The following SIPA1L1 variants were observed in gnomAD, a reference collection of about 807,000 sequenced individuals.
SIPA1L1 encodes signal induced proliferation associated 1 like 1.
SIPA1L1 carries 26 observed loss-of-function variants against 162.7 expected under a neutral mutation model. That is an observed-to-expected ratio of 0.16 (90% confidence interval 0.12 to 0.22). The LOEUF (loss-of-function observed/expected upper bound fraction) is 0.22. SIPA1L1 is among the 10% of genes least tolerant of loss of function. The pLI is 1.00. For missense variants in SIPA1L1, 1,874 were observed against 2,241.0 expected (o/e 0.84, Z 3.31); for synonymous variants, 829 against 837.4 (o/e 0.99, Z 0.17).
At chr14:71,457,680 C>T (rs576888605) in intron 2 of SIPA1L1, among the ~76,000 whole-genome samples, 7 of 152,074 alleles carry the variant, frequency 4.6e-5, no homozygotes, top group South Asian at 4.2e-4. Flanking sequence ...CTGCAACCTC[C>T]GCCTCCCAGG....
chr14:71,552,967 T>G (rs930556493), intron 4 of SIPA1L1, among the ~76,000 whole-genome samples: 2 of 152,134 alleles, frequency 1.3e-5, no homozygotes, highest in African/African-American at 2.4e-5. Context: ...AATTACATGT[T>G]CAGCTGCATC....
intron 14 of SIPA1L1, among the ~76,000 whole-genome samples, chr14:71,701,709 G>GA (rs1390044943): frequency 6.6e-5 from 10 of 152,134 alleles, no homozygotes; most frequent in Non-Finnish European, 1.2e-4. Context: ...TTTACAAAGG[G>GA]AAAAATAAAA....
intron 4 of SIPA1L1, among the ~76,000 whole-genome samples, chr14:71,559,597 G>A (rs1024946184): frequency 6.6e-6 from 1 of 152,138 alleles, no homozygotes; most frequent in African/African-American, 2.4e-5. Flanking sequence ...TTCTTTACCT[G>A]CCAAATAAGT....
intron 7 of SIPA1L1, among the ~76,000 whole-genome samples, chr14:71,628,493 T>A (rs2035938227): frequency 6.6e-6 from 1 of 152,222 alleles, no homozygotes; most frequent in African/African-American, 2.4e-5. Context: ...TCTGTTGTAG[T>A]TGATACATTA....
chr14:71,704,450 C>T (rs1228131563), intron 15 of SIPA1L1, among the ~76,000 whole-genome samples: 1 of 152,170 alleles, frequency 6.6e-6, no homozygotes, highest in Non-Finnish European at 1.5e-5. Context: ...ACTGACTTGG[C>T]TCACTTATCT....
At chr14:71,645,559 A>C (rs1338430621) in intron 7 of SIPA1L1, among the ~76,000 whole-genome samples, 1 of 152,248 alleles carries the variant, frequency 6.6e-6, no homozygotes, top group African/African-American at 2.4e-5. Flanking sequence ...TAAAAAGCAT[A>C]TACTCAAGTG....
chr14:71,547,083 A>G (rs1262485450), intron 4 of SIPA1L1, among the ~76,000 whole-genome samples: 1 of 151,912 alleles, frequency 6.6e-6, no homozygotes, highest in East Asian at 1.9e-4. Context: ...ATTTTTGTGT[A>G]AAGAGCTCCC....
chr14:71,548,382 T>C (rs1310258266), intron 4 of SIPA1L1, among the ~76,000 whole-genome samples: 1 of 152,226 alleles, frequency 6.6e-6, no homozygotes, highest in Non-Finnish European at 1.5e-5. Context: ...AATTGTCTTT[T>C]ATCACCAGTA....
At chr14:71,662,004 T>C (rs2043563522) in intron 10 of SIPA1L1, among the ~76,000 whole-genome samples, 1 of 152,202 alleles carries the variant, frequency 6.6e-6, no homozygotes. Context: ...CAGGCCTCTA[T>C]CTGCAGAGAC....
intron 5 of SIPA1L1, among the ~76,000 whole-genome samples, chr14:71,596,201 T>A (rs1015504735): frequency 6.6e-6 from 1 of 152,168 alleles, no homozygotes. Context: ...GTGATGCAGG[T>A]CTGACAAAGT....
At chr14:71,430,286 ATTTC>A (rs2043887582) in intron 2 of SIPA1L1, among the ~76,000 whole-genome samples, 1 of 152,046 alleles carries the variant, frequency 6.6e-6, no homozygotes, top group African/African-American at 2.4e-5. Context: ...GATGGGGAAT[ATTTC>A]TTTCTTCCTT....
At chr14:71,373,347 G>T (rs1396508139) in intron 2 of SIPA1L1, among the ~76,000 whole-genome samples, 1 of 151,674 alleles carries the variant, frequency 6.6e-6, no homozygotes, top group Non-Finnish European at 1.5e-5. Flanking sequence ...TATTGGACGG[G>T]TGTGGTAGCT....
chr14:71,540,059 C>T (rs1480307921), intron 4 of SIPA1L1, among the ~76,000 whole-genome samples: 6 of 152,210 alleles, frequency 3.9e-5, no homozygotes, highest in Non-Finnish European at 8.8e-5. Context: ...AATGCTCTCT[C>T]GCATTTTATA....
chr14:71,695,966 T>C (rs1174051336), intron 13 of SIPA1L1, among the ~76,000 whole-genome samples: 1 of 152,298 alleles, frequency 6.6e-6, no homozygotes, highest in Middle Eastern at 3.4e-3. Context: ...TTAATTACTT[T>C]AGAATAATAA....
chr14:71,493,323 G>A (rs1050068537), intron 2 of SIPA1L1, among the ~76,000 whole-genome samples: 8 of 152,062 alleles, frequency 5.3e-5, no homozygotes, highest in Non-Finnish European at 1.0e-4. Context: ...TGAATCCTGG[G>A]CTCAAGCAGT....
chr14:71,657,756 G>A (rs897432365), intron 8 of SIPA1L1, among the ~76,000 whole-genome samples: 3 of 151,044 alleles, frequency 2.0e-5, no homozygotes, highest in Non-Finnish European at 2.9e-5. Flanking sequence ...TTGATGTGTC[G>A]ACAGAATTCA....
intron 4 of SIPA1L1, among the ~76,000 whole-genome samples, chr14:71,572,799 AACTGTT>A (rs2147051246): frequency 6.6e-6 from 1 of 152,342 alleles, no homozygotes; most frequent in African/African-American, 2.4e-5. Context: ...AAATAAATGA[AACTGTT>A]ACTAAGTTCG....
At chr14:71,447,727 C>A (rs1183587352) in intron 2 of SIPA1L1, among the ~76,000 whole-genome samples, 1 of 151,848 alleles carries the variant, frequency 6.6e-6, no homozygotes, top group Non-Finnish European at 1.5e-5. Context: ...CCACACCTGG[C>A]TAATTTTTTT....
At chr14:71,434,966 C>G (rs1354982040) in intron 2 of SIPA1L1, among the ~76,000 whole-genome samples, 7 of 152,094 alleles carry the variant, frequency 4.6e-5, no homozygotes, top group Non-Finnish European at 7.4e-5. Context: ...CAGTTTTTAC[C>G]TAGTCTCTTA....
Sources: gnomAD v4.1 joint callset for allele counts (sites outside exome capture counted in the v4.1 genomes callset) on GRCh38, gnomAD v4.1.1 for gene constraint, MANE v1.5 for transcripts, NCBI Gene and HGNC (gene_info 2026-07-23, HGNC 2026-07-21) for gene names.